The following FNDC3A variants were observed in gnomAD, a reference collection of about 807,000 sequenced individuals.
FNDC3A encodes the protein fibronectin type-III domain-containing protein 3A.
In FNDC3A, 32 loss-of-function variants were observed where a neutral mutation model predicts 148.9. The observed-to-expected ratio is 0.21, with a 90% CI of 0.16 to 0.29. FNDC3A has a LOEUF of 0.29. Among genes scored for constraint, FNDC3A ranks in the 10% least tolerant of loss-of-function variants. The pLI, the probability that FNDC3A is intolerant of heterozygous loss-of-function variation, is 1.00. For missense variants in FNDC3A, 1,191 were observed against 1,452.8 expected (o/e 0.82, Z 2.93); for synonymous variants, 472 against 473.6 (o/e 1.00, Z 0.04).
chr13:49,034,816 G>A (rs1874379381), intron 2 of FNDC3A, among the ~76,000 whole-genome samples: 1 of 152,004 alleles, frequency 6.6e-6, no homozygotes, highest in Admixed American at 6.5e-5. Context: ...TATAAGCCAT[G>A]TGAGCAGTGA....
intron 8 of FNDC3A, among the ~76,000 whole-genome samples, chr13:49,149,622 C>G (rs1461282572): frequency 1.3e-5 from 2 of 152,048 alleles, no homozygotes; most frequent in African/African-American, 2.4e-5. Flanking sequence ...GATTTCGTGT[C>G]CGTGTTTATC....
At chr13:49,118,377 T>G (rs1419782166) in intron 4 of FNDC3A, among the ~76,000 whole-genome samples, 3 of 152,164 alleles carry the variant, frequency 2.0e-5, no homozygotes, top group Non-Finnish European at 4.4e-5. Flanking sequence ...GGAGATTCCC[T>G]TCGGTGCCTA....
chr13:49,125,744 A>G (rs1881654469), intron 4 of FNDC3A, among the ~76,000 whole-genome samples: 1 of 152,198 alleles, frequency 6.6e-6, no homozygotes, highest in Admixed American at 6.5e-5. Context: ...AACAATAAAT[A>G]AAACATTTAT....
chr13:49,152,838 G>C (rs930283398), intron 8 of FNDC3A, among the ~76,000 whole-genome samples: 14 of 151,542 alleles, frequency 9.2e-5, no homozygotes, highest in Admixed American at 3.3e-4. Context: ...TCCCCACAAA[G>C]GACATGAACT....
At chr13:49,120,935 A>G (rs942156011) in intron 4 of FNDC3A, among the ~76,000 whole-genome samples, 2 of 152,224 alleles carry the variant, frequency 1.3e-5, no homozygotes, top group Non-Finnish European at 2.9e-5. Flanking sequence ...TATTAGATCA[A>G]TGAGACAGAA....
intron 2 of FNDC3A, among the ~76,000 whole-genome samples, chr13:49,028,315 G>A (rs1203523248): frequency 1.3e-5 from 2 of 152,044 alleles, no homozygotes; most frequent in Non-Finnish European, 2.9e-5. Context: ...CTGAAGTGCA[G>A]TGGTGCCATT....
chr13:49,105,642 T>C (rs1489645239), intron 3 of FNDC3A, among the ~76,000 whole-genome samples: 2 of 152,246 alleles, frequency 1.3e-5, no homozygotes, highest in Admixed American at 1.3e-4. Context: ...TGTCCAAATC[T>C]GAATACCTGA....
intron 10 of FNDC3A, among the ~76,000 whole-genome samples, chr13:49,170,493 A>G (rs1355671661): frequency 6.6e-6 from 1 of 152,164 alleles, no homozygotes; most frequent in African/African-American, 2.4e-5. Context: ...TTGCCAGAGC[A>G]TGGTGATGAC....
intron 2 of FNDC3A, 135 bp from the exon 3 acceptor site, chr13:49,075,154 C>A: frequency 2.1e-6 from 1 of 471,928 alleles, no homozygotes; most frequent in Non-Finnish European, 3.9e-6. Flanking sequence ...AGCAAACCAG[C>A]ATCTTAAATG....
chr13:49,060,884 T>G (rs1436285226), intron 2 of FNDC3A, among the ~76,000 whole-genome samples: 2 of 152,106 alleles, frequency 1.3e-5, no homozygotes, highest in Admixed American at 6.5e-5. Flanking sequence ...GAATTTCTTA[T>G]GAGTAATGAA....
intron 8 of FNDC3A, among the ~76,000 whole-genome samples, chr13:49,161,912 T>C (rs572842994): frequency 6.6e-6 from 1 of 152,362 alleles, no homozygotes; most frequent in East Asian, 1.9e-4. Flanking sequence ...TTGAAAATTC[T>C]TTAAGAATGT....
rs750354914 is a variant in FNDC3A at position 49,203,274 on chromosome 13, A to G, written c.3272A>G (p.Glu1091Gly). ...CAAGTTATGTTGGGAAAAGATTCAG[A>G]ATTCAAACAGGTATGTACCAAGATA... ...SLQVMLGKDS[E>G]FKQIYKGPDS... is the part of the protein sequence containing the mutation. The change falls in exon 25 of 26, where the codon GAA (glutamate) becomes GGA (glycine). Residue 1091 changes from glutamate to glycine, a missense_variant. Physicochemically the swap from Glu to Gly is moderately conservative, Grantham distance 98. This residue lies in a region of FNDC3A where 751 missense variants were observed against 944.0 expected (regional missense o/e 0.80). Coordinates refer to ENST00000492622, the MANE Select transcript of FNDC3A (RefSeq NM_001079673.2). 1 of 1,607,884 alleles carries G rather than the reference A, an allele frequency of 6.2e-7. No individual in the cohort carries two copies. The highest frequency in any genetic ancestry group is 1.1e-5 in the South Asian group (1 of 90,562).
At chr13:49,016,193 T>C (rs1336406217) in intron 2 of FNDC3A, among the ~76,000 whole-genome samples, 4 of 152,230 alleles carry the variant, frequency 2.6e-5, no homozygotes, top group Non-Finnish European at 4.4e-5. Flanking sequence ...AGTTCCTCCT[T>C]CTATCTCTGG....
In FNDC3A at chr13:49,174,549, T is replaced by A; in HGVS notation, c.1345T>A (p.Tyr449Asn). The change falls in exon 12 of 26, where the codon TAT becomes AAT. Residue 449 changes from tyrosine to asparagine, a missense_variant. By Grantham distance (143) the Tyr-to-Asn change is moderately radical (BLOSUM62 -2). This residue lies in a region of FNDC3A where 751 missense variants were observed against 944.0 expected (regional missense o/e 0.80). Coordinates refer to ENST00000492622, the MANE Select transcript of FNDC3A (RefSeq NM_001079673.2). ...ATTCAGACTATCGGCCAGAAATGAC[T>A]ATGGTACAAGGTAAGGTGTACTTTA... ...CKFRLSARND[Y>N]GTSGFSEEVL... The A allele has an allele frequency of 6.2e-7, 1 of 1,612,040 alleles. No individual in the cohort carries two copies. Among genetic ancestry groups the A allele is most frequent in the East Asian group, 2.2e-5 (1 of 44,802 alleles).
At chr13:49,190,993 C>T in intron 17 of FNDC3A, 22 bp from the exon 18 acceptor site, 1 of 1,568,296 alleles carries the variant, frequency 6.4e-7, no homozygotes, top group South Asian at 1.2e-5. Flanking sequence ...TTTTTGTTTT[C>T]TTTTTGCTTT....
At chr13:49,028,497 C>T (rs1270016701) in intron 2 of FNDC3A, among the ~76,000 whole-genome samples, 1 of 152,070 alleles carries the variant, frequency 6.6e-6, no homozygotes, top group Non-Finnish European at 1.5e-5. Context: ...ACCTCATCTT[C>T]CCAAAGTGCT....
chr13:49,086,799 A>T (rs779360713), intron 3 of FNDC3A, among the ~76,000 whole-genome samples: 9 of 152,160 alleles, frequency 5.9e-5, no homozygotes, highest in Non-Finnish European at 1.0e-4. Flanking sequence ...TTTGCTCTTT[A>T]TACTTCCCCT....
intron 7 of FNDC3A, among the ~76,000 whole-genome samples, chr13:49,144,269 A>G (rs924385550): frequency 6.6e-6 from 1 of 152,144 alleles, no homozygotes; most frequent in Non-Finnish European, 1.5e-5. Flanking sequence ...AATCATTTTT[A>G]AGTTCATTGT....
chr13:49,118,357 C>T (rs1881102867), intron 4 of FNDC3A, among the ~76,000 whole-genome samples: 1 of 152,202 alleles, frequency 6.6e-6, no homozygotes, highest in South Asian at 2.1e-4. Flanking sequence ...TCTTCGCAAC[C>T]CGCAGACCAG....
Sources: allele counts gnomAD v4.1 joint callset (sites outside exome capture counted in the v4.1 genomes callset), GRCh38; gene constraint gnomAD v4.1.1; regional missense constraint gnomAD v4.1.1; transcripts MANE v1.5; gene names NCBI Gene and HGNC (gene_info 2026-07-23, HGNC 2026-07-21).